Variants in NCALD observed in about 807,000 individuals in gnomAD.
NCALD encodes neurocalcin delta.
In NCALD, 10 loss-of-function variants were observed where a neutral mutation model predicts 18.6. The ratio of observed to expected loss-of-function variants is 0.54; its 90% CI spans 0.33 to 0.91. The LOEUF is 0.91. Ranked by LOEUF, NCALD falls within the 40% of genes least tolerant of loss-of-function variation. The pLI is 0.03. For missense variants in NCALD, 184 were observed against 247.6 expected, an observed-to-expected ratio of 0.74 and a Z score of 1.72; for synonymous variants, 88 against 87.4, an observed-to-expected ratio of 1.01 and a Z score of -0.04.
At chr8:101,966,238 A>C (rs1436073254) in intron 2 of NCALD, among the ~76,000 whole-genome samples, 1 of 152,140 alleles carries the variant, frequency 6.6e-6, no homozygotes, top group Non-Finnish European at 1.5e-5. Context: ...AAGTTGGCAA[A>C]GCTTTTTTTA....
At chr8:101,872,009 G>C in intron 4 of NCALD, 1 of 955,638 alleles carries the variant, frequency 1.0e-6, no homozygotes, top group Non-Finnish European at 1.7e-6. Flanking sequence ...AACACCAGAG[G>C]ACCGATCAAC....
At chr8:102,067,448 A>AACACAC (rs59878811) in intron 1 of NCALD, among the ~76,000 whole-genome samples, 31 of 150,890 alleles carry the variant, frequency 2.1e-4, no homozygotes, top group African/African-American at 5.8e-4. Flanking sequence ...TCTTGTCCCA[A>AACACAC]ACACACACAC....
chr8:101,995,081 A>T (rs1239390474), intron 2 of NCALD, among the ~76,000 whole-genome samples: 2 of 152,154 alleles, frequency 1.3e-5, no homozygotes, highest in Admixed American at 1.3e-4. Context: ...GTAACAGCTT[A>T]TTTATTATCT....
At chr8:102,102,077 A>G (rs1278623696) in intron 1 of NCALD, among the ~76,000 whole-genome samples, 1 of 152,178 alleles carries the variant, frequency 6.6e-6, no homozygotes, top group Non-Finnish European at 1.5e-5. Context: ...TTTTCTTATT[A>G]TTGCTATACT....
chr8:101,930,571 G>A (rs796793403), intron 2 of NCALD, among the ~76,000 whole-genome samples: 2 of 151,544 alleles, frequency 1.3e-5, no homozygotes, highest in Admixed American at 1.3e-4. Flanking sequence ...TTCCTCCCTC[G>A]TCACCCTAAA....
intron 2 of NCALD, among the ~76,000 whole-genome samples, chr8:102,012,699 G>T (rs936601995): frequency 6.6e-6 from 1 of 152,224 alleles, no homozygotes; most frequent in East Asian, 1.9e-4. Context: ...CCTAGTGGCT[G>T]TGGTCCTTGC....
chr8:101,971,293 T>C (rs925555256), intron 2 of NCALD, among the ~76,000 whole-genome samples: 1 of 152,092 alleles, frequency 6.6e-6, no homozygotes, highest in Non-Finnish European at 1.5e-5. Flanking sequence ...ATTCCTTCTC[T>C]CAGACAGTAA....
intron 2 of NCALD, among the ~76,000 whole-genome samples, chr8:102,001,708 T>G (rs188827162): frequency 6.6e-6 from 1 of 151,894 alleles, no homozygotes; most frequent in African/African-American, 2.4e-5. Flanking sequence ...CAGAAGAGAG[T>G]GGGGGTCAAT....
chr8:101,692,156 C>A, intron 3 of NCALD: 1 of 985,398 alleles, frequency 1.0e-6, no homozygotes, highest in Non-Finnish European at 1.2e-6. Flanking sequence ...AATTTAAGAT[C>A]TAAAATCCTT....
At chr8:102,069,107 T>G (rs1172388674) in intron 1 of NCALD, among the ~76,000 whole-genome samples, 1 of 152,138 alleles carries the variant, frequency 6.6e-6, no homozygotes, top group East Asian at 1.9e-4. Flanking sequence ...GAATAAGTTT[T>G]AGGGATCGAT....
At chr8:101,945,710 C>G (rs1029524518) in intron 2 of NCALD, among the ~76,000 whole-genome samples, 1 of 152,202 alleles carries the variant, frequency 6.6e-6, no homozygotes, top group Non-Finnish European at 1.5e-5. Context: ...AGATGTGTCA[C>G]GTGGAAGACA....
At chr8:101,744,155 T>G (rs1255513828) in intron 1 of NCALD, among the ~76,000 whole-genome samples, 1 of 152,156 alleles carries the variant, frequency 6.6e-6, no homozygotes. Context: ...CTACCATCTT[T>G]GGCATTCAGG....
At chr8:101,758,369 G>A (rs754881369) in intron 1 of NCALD, among the ~76,000 whole-genome samples, 4 of 152,040 alleles carry the variant, frequency 2.6e-5, no homozygotes, top group Admixed American at 6.6e-5. Flanking sequence ...CATCCTGCCT[G>A]GATTCCCACC....
intron 1 of NCALD, among the ~76,000 whole-genome samples, chr8:102,057,956 T>G (rs904330125): frequency 1.3e-5 from 2 of 152,206 alleles, no homozygotes; most frequent in African/African-American, 4.8e-5. Flanking sequence ...CAATTTAAAG[T>G]CCACTATTGC....
intron 1 of NCALD, among the ~76,000 whole-genome samples, chr8:102,122,432 T>G (rs148945306): frequency 2.6e-3 from 396 of 152,318 alleles, no homozygotes; most frequent in African/African-American, 9.0e-3. Flanking sequence ...GAGAATGGAC[T>G]GGAGTAAGAC....
chr8:101,723,299 C>T (rs1489209192), intron 1 of NCALD, among the ~76,000 whole-genome samples: 2 of 152,060 alleles, frequency 1.3e-5, no homozygotes, highest in South Asian at 2.1e-4. Flanking sequence ...TTCACCGTCG[C>T]CATTTACATT....
At chr8:102,075,240 T>C (rs903265138) in intron 1 of NCALD, among the ~76,000 whole-genome samples, 1 of 152,148 alleles carries the variant, frequency 6.6e-6, no homozygotes, top group African/African-American at 2.4e-5. Context: ...AGTCTAAACC[T>C]CATAGATGTT....
intron 2 of NCALD, among the ~76,000 whole-genome samples, chr8:101,930,462 CTA>C (rs1818532382): frequency 6.6e-6 from 1 of 151,958 alleles, no homozygotes. Context: ...AAAAATGTGG[CTA>C]TGTGAGCTCA....
chr8:101,940,789 T>C (rs1818927552), intron 2 of NCALD, among the ~76,000 whole-genome samples: 1 of 151,938 alleles, frequency 6.6e-6, no homozygotes, highest in South Asian at 2.1e-4. Context: ...AAAAACAGAA[T>C]AAAAATGAGT....
Sources: gnomAD v4.1 joint callset for allele counts (sites outside exome capture counted in the v4.1 genomes callset) on GRCh38, gnomAD v4.1.1 for gene constraint, MANE v1.5 for transcripts, NCBI Gene and HGNC (gene_info 2026-07-23, HGNC 2026-07-21) for gene names.